Variants in GBE1 observed in about 807,000 individuals in gnomAD.
GBE1 encodes 1,4-alpha-glucan branching enzyme 1, also known as 1,4-alpha-glucan-branching enzyme.
Under a neutral mutation model 88.8 loss-of-function variants are expected in GBE1, and 70 were observed. That is an observed-to-expected ratio of 0.79 (90% CI 0.65 to 0.96). GBE1 has a LOEUF of 0.96. Ranked by LOEUF, GBE1 falls within the 40% of genes least tolerant of loss-of-function variation. The pLI is 0.00. For synonymous variants in GBE1, 284 were observed against 300.1 expected (o/e 0.95, Z 0.56); for missense variants, 872 against 871.0 (o/e 1.00, Z -0.01).
chr3:81,501,686 CTTTTT>C (rs35149061), intron 14 of GBE1, among the ~76,000 whole-genome samples: 58 of 71,992 alleles, frequency 8.1e-4, no homozygotes, highest in African/African-American at 1.3e-3. Context: ...CTTAGGGGCA[CTTTTT>C]TTTTTTTTTT....
In GBE1 at chr3:81,705,372, A is replaced by C. The variant is rs907660618; in HGVS notation, c.313+72T>G. The C allele has an allele frequency of 6.4e-6, 7 of 1,090,932 alleles. No individual in the cohort carries two copies. In the African/African-American group the frequency reaches 1.0e-4, roughly 16 times the overall value. 67.6% of individuals were successfully genotyped at this position (1,090,932 alleles called of 1,614,324 possible). ...TAAAGTTCATATGGTTAAATACATG[A>C]AATATAAGAAATATATGTATTAAAT... On this transcript the variant is annotated intron_variant, in intron 2 of 15. Transcript: ENST00000429644.
rs144127461 is a variant in GBE1 at position 81,656,750 on chromosome 3, G to A, written c.430-6829C>T. 3.3e-3 allele frequency among the ~76,000 whole-genome samples: 495 copies of A among 152,222 alleles called. 2 individuals are homozygous for A. The highest frequency in any genetic ancestry group is 0.011 in the African/African-American group (477 of 41,520). On this transcript the variant is annotated intron_variant, in intron 3 of 15. Coordinates refer to ENST00000429644, the MANE Select transcript of GBE1 (RefSeq NM_000158.4). ...AAAGTAGACAAATATGTACTAATAC[G>A]TTACAGTGAACTTCACTAAACAAGG...
At chr3:81,754,589 T>C (rs918293961) in intron 1 of GBE1, among the ~76,000 whole-genome samples, 1 of 148,500 alleles carries the variant, frequency 6.7e-6, no homozygotes, top group Non-Finnish European at 1.5e-5. Context: ...TACAAAGCTA[T>C]AGAAACCAAA....
chr3:81,565,705 T>C (rs1398106649), intron 12 of GBE1, among the ~76,000 whole-genome samples: 1 of 152,218 alleles, frequency 6.6e-6, no homozygotes, highest in Non-Finnish European at 1.5e-5. Context: ...TTTGTAATTA[T>C]GCCTTTTTCT....
At chr3:81,520,694 T>C (rs1475146610) in intron 14 of GBE1, among the ~76,000 whole-genome samples, 1 of 151,624 alleles carries the variant, frequency 6.6e-6, no homozygotes, top group Non-Finnish European at 1.5e-5. Context: ...AAGCATGAAA[T>C]ATGAAACCTG....
intron 7 of GBE1, among the ~76,000 whole-genome samples, chr3:81,627,630 C>G (rs1254087968): frequency 6.6e-6 from 1 of 151,928 alleles, no homozygotes; most frequent in Non-Finnish European, 1.5e-5. Context: ...TTATGTGATA[C>G]ATCAATTCGA....
intron 7 of GBE1, among the ~76,000 whole-genome samples, chr3:81,610,430 A>G (rs1486104676): frequency 6.6e-6 from 1 of 152,236 alleles, no homozygotes; most frequent in African/African-American, 2.4e-5. Flanking sequence ...GTTCATAAAC[A>G]AAAGGTCTAC....
At position 81,586,130 on chromosome 3, in the gene GBE1, A is replaced by T; in HGVS notation, c.1297T>A (p.Tyr433Asn). 6.2e-7 allele frequency: 1 copy of T among 1,610,320 alleles called. No homozygotes were observed. The highest frequency in any genetic ancestry group is 8.5e-7 in the Non-Finnish European group (1 of 1,178,588). ...PISQGGGGFD[Y>N]RLAMAIPDKW... ...TCTGGAATTGCCATGGCTAGTCGATAGTCAAAACCACCCCCTCCCTGGGAA... is the reference window on the plus strand; with the variant it reads ...TCTGGAATTGCCATGGCTAGTCGATTGTCAAAACCACCCCCTCCCTGGGAA... The change falls in exon 10 of 16, where the codon TAT becomes AAT. Residue 433 changes from tyrosine to asparagine, a missense_variant. Tyr to Asn is a moderately radical substitution (Grantham distance 143). Coordinates refer to ENST00000429644, the MANE Select transcript of GBE1 (RefSeq NM_000158.4).
chr3:81,653,825 A>G (rs1161199585), intron 3 of GBE1, among the ~76,000 whole-genome samples: 1 of 150,332 alleles, frequency 6.7e-6, no homozygotes, highest in African/African-American at 2.4e-5. Context: ...GGGTAAGGGG[A>G]TTGTTAGTAG....
intron 14 of GBE1, among the ~76,000 whole-genome samples, chr3:81,508,535 C>A (rs10440071): frequency 0.16 from 24,258 of 152,022 alleles, 2,024 homozygotes; most frequent in Non-Finnish European, 0.2. Flanking sequence ...CCTGCAGACT[C>A]AACACTTTTT....
intron 12 of GBE1, among the ~76,000 whole-genome samples, chr3:81,565,493 T>G (rs1392518152): frequency 2.0e-5 from 3 of 152,210 alleles, no homozygotes; most frequent in Non-Finnish European, 4.4e-5. Context: ...TGAAGTCTAA[T>G]GTAGCGATCA....
At chr3:81,614,561 T>C (rs916081687) in intron 7 of GBE1, among the ~76,000 whole-genome samples, 4 of 152,012 alleles carry the variant, frequency 2.6e-5, no homozygotes, top group African/African-American at 9.7e-5. Flanking sequence ...ACTTCTTTTC[T>C]ACAAAAAAAA....
chr3:81,740,527 G>A (rs141182414), intron 1 of GBE1, among the ~76,000 whole-genome samples: 252 of 151,910 alleles, frequency 1.7e-3, no homozygotes, highest in Middle Eastern at 0.01. Context: ...TCTCATAAAC[G>A]CAGTACGGAG....
Position 81,499,441 on chromosome 3 carries a change from C to A in GBE1, c.1935-214G>T, listed in dbSNP as rs10511103. ...TGAGATCCCTGTTATACTTCCATCA[C>A]GACTCACAAGTGATCACCCAGCCTG... On this transcript the variant is annotated intron_variant, in intron 14 of 15. Transcript: ENST00000429644. 0.035 allele frequency among the ~76,000 whole-genome samples: 5,257 copies of A among 152,264 alleles called. 195 individuals carry two copies. Among genetic ancestry groups the A allele is most frequent in the Admixed American group, 0.12 (1,848 of 15,262 alleles).
intron 1 of GBE1, chr3:81,743,469 T>G (rs1030718895): frequency 1.5e-5 from 13 of 857,274 alleles, no homozygotes; most frequent in Non-Finnish European, 2.4e-5. Context: ...TCACTAGTTT[T>G]AAGTTTTAAC....
chr3:81,709,284 T>G (rs562867579), intron 1 of GBE1, among the ~76,000 whole-genome samples: 2 of 152,240 alleles, frequency 1.3e-5, no homozygotes, highest in South Asian at 4.1e-4. Flanking sequence ...ATATGCAAAC[T>G]CTTTAAATCA....
chr3:81,749,022 GAAAAAAGA>G (rs1440636695), intron 1 of GBE1, among the ~76,000 whole-genome samples: 1 of 133,816 alleles, frequency 7.5e-6, no homozygotes, highest in Non-Finnish European at 1.6e-5. Flanking sequence ...AAAAAAAAAA[GAAAAAAGA>G]AAAAAAGAAA....
intron 7 of GBE1, among the ~76,000 whole-genome samples, chr3:81,608,632 A>G (rs1704133302): frequency 6.6e-6 from 1 of 152,202 alleles, no homozygotes; most frequent in Non-Finnish European, 1.5e-5. Context: ...AATAACTGTC[A>G]GTTATGATAT....
chr3:81,513,234 G>A (rs1347690715), intron 14 of GBE1, among the ~76,000 whole-genome samples: 1 of 151,540 alleles, frequency 6.6e-6, no homozygotes, highest in African/African-American at 2.4e-5. Context: ...TGAAGAATAG[G>A]TGGAAAGAAA....
Sources: allele counts gnomAD v4.1 joint callset (sites outside exome capture counted in the v4.1 genomes callset), GRCh38; gene constraint gnomAD v4.1.1; transcripts MANE v1.5; gene names NCBI Gene and HGNC (gene_info 2026-07-23, HGNC 2026-07-21).